The following GRID1 variants were observed in gnomAD, a reference collection of about 807,000 sequenced individuals.
GRID1 encodes glutamate ionotropic receptor delta type subunit 1, also known as glutamate receptor ionotropic, delta-1.
Under a neutral mutation model 98.0 loss-of-function variants are expected in GRID1, and 28 were observed. The observed-to-expected ratio is 0.29, with a 90% CI of 0.21 to 0.39. The LOEUF is 0.39. GRID1 is among the 10% of genes least tolerant of loss of function. The pLI is 1.00. For synonymous variants in GRID1, 553 were observed against 538.5 expected (o/e 1.03, Z -0.37); for missense variants, 1,111 against 1,340.5 (o/e 0.83, Z 2.67).
At chr10:86,244,547 G>A (rs74716128) in intron 2 of GRID1, among the ~76,000 whole-genome samples, 6,838 of 152,306 alleles carry the variant, frequency 0.045, 262 homozygotes, top group Admixed American at 0.11. Flanking sequence ...TAAGCAGCGC[G>A]CCTGCAAGGA....
intron 5 of GRID1, among the ~76,000 whole-genome samples, chr10:85,877,370 C>T (rs1308077509): frequency 6.6e-6 from 1 of 152,228 alleles, no homozygotes; most frequent in Non-Finnish European, 1.5e-5. Context: ...GGCAGACTGA[C>T]ACCTCACAGG....
At chr10:86,282,890 G>A (rs1050821506) in intron 2 of GRID1, among the ~76,000 whole-genome samples, 1 of 152,078 alleles carries the variant, frequency 6.6e-6, no homozygotes, top group Non-Finnish European at 1.5e-5. Flanking sequence ...CTTGCCACAT[G>A]TCACTCTGAA....
chr10:85,770,751 G>A (rs1436258843), intron 8 of GRID1, among the ~76,000 whole-genome samples: 2 of 152,194 alleles, frequency 1.3e-5, no homozygotes, highest in Non-Finnish European at 1.5e-5. Flanking sequence ...TGAATGAAAT[G>A]AAGTGAGAAG....
At chr10:85,665,777 T>A (rs1841013062) in intron 12 of GRID1, among the ~76,000 whole-genome samples, 1 of 152,170 alleles carries the variant, frequency 6.6e-6, no homozygotes, top group Non-Finnish European at 1.5e-5. Flanking sequence ...TGCAACCTAA[T>A]TTTGTCACCC....
intron 2 of GRID1, among the ~76,000 whole-genome samples, chr10:86,318,354 C>T (rs893127916): frequency 2.0e-5 from 3 of 152,368 alleles, no homozygotes; most frequent in Non-Finnish European, 2.9e-5. Context: ...CACACAGAAG[C>T]CATGCCAGAG....
At chr10:86,134,681 C>T (rs549823363) in intron 4 of GRID1, among the ~76,000 whole-genome samples, 1 of 152,268 alleles carries the variant, frequency 6.6e-6, no homozygotes, top group South Asian at 2.1e-4. Flanking sequence ...CACACAAGTT[C>T]CTGAATACAG....
At chr10:86,243,212 G>T (rs773010662) in intron 2 of GRID1, among the ~76,000 whole-genome samples, 15 of 152,210 alleles carry the variant, frequency 9.9e-5, no homozygotes, top group Non-Finnish European at 1.6e-4. Flanking sequence ...AAGAGGAAGA[G>T]GACCTGCCAG....
chr10:86,179,491 T>A (rs1019651915), intron 3 of GRID1, among the ~76,000 whole-genome samples: 1 of 152,200 alleles, frequency 6.6e-6, no homozygotes, highest in African/African-American at 2.4e-5. Flanking sequence ...AAACTATGGC[T>A]CAGACAGTTC....
At chr10:86,224,084 G>A (rs1044964836) in intron 2 of GRID1, among the ~76,000 whole-genome samples, 1 of 152,178 alleles carries the variant, frequency 6.6e-6, no homozygotes, top group Non-Finnish European at 1.5e-5. Context: ...GGGATGCCAG[G>A]CACATGTTCC....
chr10:86,030,324 G>A (rs1238174645), intron 4 of GRID1, among the ~76,000 whole-genome samples: 3 of 152,224 alleles, frequency 2.0e-5, no homozygotes, highest in South Asian at 2.1e-4. Context: ...TGGAAGTCAC[G>A]AAGGGATTAA....
intron 8 of GRID1, among the ~76,000 whole-genome samples, chr10:85,752,778 G>A (rs1366737554): frequency 1.3e-5 from 2 of 152,110 alleles, no homozygotes; most frequent in Non-Finnish European, 2.9e-5. Context: ...CATATTGTAA[G>A]CTATGTTTGC....
At chr10:86,070,855 G>A (rs1843793524) in intron 4 of GRID1, among the ~76,000 whole-genome samples, 1 of 152,142 alleles carries the variant, frequency 6.6e-6, no homozygotes, top group Non-Finnish European at 1.5e-5. Flanking sequence ...TCAGGCTAAT[G>A]GAGAGAAACC....
At chr10:86,001,160 A>C (rs1842798428) in intron 4 of GRID1, among the ~76,000 whole-genome samples, 1 of 152,158 alleles carries the variant, frequency 6.6e-6, no homozygotes, top group South Asian at 2.1e-4. Context: ...CATGATGGAG[A>C]ACAAATCAGT....
At chr10:86,286,087 G>A (rs1344260712) in intron 2 of GRID1, among the ~76,000 whole-genome samples, 1 of 152,164 alleles carries the variant, frequency 6.6e-6, no homozygotes, top group Non-Finnish European at 1.5e-5. Flanking sequence ...TTAGATGTAG[G>A]CTGTAGGTGT....
At chr10:86,017,664 G>GCCACAGTAT (rs1302307515) in intron 4 of GRID1, among the ~76,000 whole-genome samples, 2 of 152,220 alleles carry the variant, frequency 1.3e-5, no homozygotes, top group African/African-American at 4.8e-5. Flanking sequence ...AATCCAGAGG[G>GCCACAGTAT]CCACAGTATC....
chr10:85,921,646 G>A (rs535392527), intron 4 of GRID1, among the ~76,000 whole-genome samples: 36 of 152,360 alleles, frequency 2.4e-4, no homozygotes, highest in African/African-American at 8.2e-4. Flanking sequence ...GGTGGAGGCA[G>A]CTCTCCTAGA....
chr10:85,752,298 ATGAC>A (rs1285668962), intron 8 of GRID1, among the ~76,000 whole-genome samples: 1 of 152,196 alleles, frequency 6.6e-6, no homozygotes, highest in Non-Finnish European at 1.5e-5. Context: ...AATTTGAGAC[ATGAC>A]TGACTACCTT....
chr10:86,337,506 T>G (rs1848239676), intron 2 of GRID1, among the ~76,000 whole-genome samples: 1 of 151,990 alleles, frequency 6.6e-6, no homozygotes, highest in Admixed American at 6.6e-5. Flanking sequence ...CGTCCTGAAA[T>G]CGGGGAACTC....
At chr10:86,156,938 C>T (rs1283003898) in intron 3 of GRID1, among the ~76,000 whole-genome samples, 2 of 152,116 alleles carry the variant, frequency 1.3e-5, no homozygotes, top group Admixed American at 6.5e-5. Flanking sequence ...GGATGACAGG[C>T]AGGCTCCAAG....
Sources: allele counts gnomAD v4.1 joint callset (sites outside exome capture counted in the v4.1 genomes callset), GRCh38; gene constraint gnomAD v4.1.1; transcripts MANE v1.5; gene names NCBI Gene and HGNC (gene_info 2026-07-23, HGNC 2026-07-21).